Variants in RRAS2 observed in about 807,000 individuals in gnomAD.
RRAS2 encodes the protein ras-related protein R-Ras2.
A neutral mutation model predicts 27.6 loss-of-function variants in RRAS2; 7 were observed. That is an observed-to-expected ratio of 0.25 (90% CI 0.14 to 0.48). RRAS2 has a LOEUF of 0.48. Ranked by LOEUF, RRAS2 falls within the 20% of genes least tolerant of loss-of-function variation. The pLI, the probability that RRAS2 is intolerant of heterozygous loss-of-function variation, is 0.99. For synonymous variants in RRAS2, 86 were observed against 90.9 expected (o/e 0.95, Z 0.31); for missense variants, 178 against 256.2 (o/e 0.69, Z 2.08).
At chr11:14,326,654 A>G (rs1213211813) in intron 1 of RRAS2, among the ~76,000 whole-genome samples, 3 of 152,082 alleles carry the variant, frequency 2.0e-5, no homozygotes, top group Non-Finnish European at 2.9e-5. Flanking sequence ...GTTGTCCTCT[A>G]TTTGGGAGGG....
chr11:14,311,974 C>A (rs1230605792), intron 1 of RRAS2, among the ~76,000 whole-genome samples: 1 of 152,126 alleles, frequency 6.6e-6, no homozygotes. Flanking sequence ...AAGCAATTCT[C>A]CTGCTTCAGC....
Position 14,358,658 on chromosome 11 carries a change from C to CG in RRAS2, c.108+104dup, listed in dbSNP as rs1849135481. ...CCGCCCCCTGGCCCCGGCCCGGGCC[C>CG]GCGAGGCGCCTCTGGGGCGAGGTCG... On this transcript the variant is annotated intron_variant, in intron 1 of 5. Coordinates refer to ENST00000256196, the MANE Select transcript of RRAS2 (RefSeq NM_012250.6). This position sits in a 1 kb window ranked among gnomAD's most constrained non-coding sequence, Gnocchi z 5.1. The CG allele has an allele frequency of 2.0e-6, 2 of 984,476 alleles. No homozygotes were observed. The highest frequency in any genetic ancestry group is 3.5e-5 in the African/African-American group (2 of 57,014). 61.0% of individuals were successfully genotyped at this position (984,476 alleles called of 1,614,324 possible).
intron 1 of RRAS2, among the ~76,000 whole-genome samples, chr11:14,309,373 A>G (rs989693945): frequency 2.6e-5 from 4 of 152,224 alleles, no homozygotes; most frequent in Admixed American, 1.3e-4. Context: ...CTGAACACCT[A>G]TAATGTGCCA....
intron 4 of RRAS2, among the ~76,000 whole-genome samples, chr11:14,285,826 T>C (rs1039929459): frequency 6.6e-6 from 1 of 152,360 alleles, no homozygotes; most frequent in Admixed American, 6.5e-5. Flanking sequence ...TGTTCTTCCA[T>C]ATGTAATGTG....
intron 1 of RRAS2, chr11:14,336,933 A>T (rs1554952625): frequency 1.3e-5 from 2 of 152,202 alleles, no homozygotes. Context: ...ACCAAGACAC[A>T]TCATAATTAA....
intron 1 of RRAS2, among the ~76,000 whole-genome samples, chr11:14,319,515 C>T (rs1479714463): frequency 2.0e-5 from 3 of 151,886 alleles, no homozygotes; most frequent in Non-Finnish European, 4.4e-5. Context: ...CCCGCCACCG[C>T]GCCCGGCTAA....
intron 1 of RRAS2, among the ~76,000 whole-genome samples, chr11:14,352,624 C>A (rs1224255277): frequency 6.7e-6 from 1 of 149,982 alleles, no homozygotes; most frequent in Admixed American, 6.7e-5. Flanking sequence ...AAGGAAGGCA[C>A]GGTGGAATTA....
At chr11:14,309,492 T>G (rs535127584) in intron 1 of RRAS2, among the ~76,000 whole-genome samples, 1 of 152,252 alleles carries the variant, frequency 6.6e-6, no homozygotes, top group South Asian at 2.1e-4. Flanking sequence ...TCAGAGGTGA[T>G]AGGAACTCTG....
chr11:14,315,812 GT>G (rs1848089223), intron 1 of RRAS2, among the ~76,000 whole-genome samples: 1 of 152,092 alleles, frequency 6.6e-6, no homozygotes, highest in Admixed American at 6.5e-5. Flanking sequence ...TCACCCACAT[GT>G]AAAAGCTTAA....
intron 1 of RRAS2, among the ~76,000 whole-genome samples, chr11:14,318,015 C>T (rs1370644474): frequency 6.6e-6 from 1 of 152,146 alleles, no homozygotes; most frequent in Non-Finnish European, 1.5e-5. Context: ...TCAAACGGAG[C>T]AGGAAGAATA....
intron 4 of RRAS2, among the ~76,000 whole-genome samples, chr11:14,290,087 A>C (rs1359575912): frequency 6.6e-6 from 1 of 152,184 alleles, no homozygotes; most frequent in Non-Finnish European, 1.5e-5. Context: ...GTCCAAGTTG[A>C]CTTGGTAGAA....
intron 1 of RRAS2, among the ~76,000 whole-genome samples, chr11:14,334,901 AC>A (rs1292544119): frequency 4.6e-5 from 7 of 151,886 alleles, no homozygotes; most frequent in African/African-American, 1.7e-4. Context: ...ACTACCACCA[AC>A]CTAGCCCCAA....
intron 1 of RRAS2, among the ~76,000 whole-genome samples, 186 bp from the exon 2 acceptor site, chr11:14,296,041 G>A (rs370989835): frequency 2.0e-4 from 31 of 151,790 alleles, no homozygotes; most frequent in East Asian, 9.7e-4. Context: ...AAAATTAGCC[G>A]ACGTGGTGTG....
Position 14,307,255 on chromosome 11 carries a change from G to T in RRAS2, c.109-11400C>A, listed in dbSNP as rs540344971. Among the ~76,000 whole-genome samples, 5 of 150,714 alleles carry T rather than the reference G, an allele frequency of 3.3e-5. No homozygotes were observed. The South Asian group carries it at 1.1e-3, about 32-fold the overall frequency. ...CAACAACAAAAAAAAAGCAGAAAAA[G>T]GAAGAGGGAAAAAAAAACTGCTACC... On this transcript the variant is annotated intron_variant, in intron 1 of 5. Transcript: ENST00000256196.
intron 1 of RRAS2, among the ~76,000 whole-genome samples, chr11:14,337,511 A>C (rs1394318461): frequency 6.6e-6 from 1 of 151,866 alleles, no homozygotes; most frequent in Middle Eastern, 3.4e-3. Flanking sequence ...GCATTATCTC[A>C]TATCATCATA....
At chr11:14,321,658 G>A (rs1554950298) in intron 1 of RRAS2, among the ~76,000 whole-genome samples, 2 of 152,124 alleles carry the variant, frequency 1.3e-5, no homozygotes, top group African/African-American at 4.8e-5. Flanking sequence ...TCCCTGGCTT[G>A]TTGCTGGCTG....
At chr11:14,307,271 A>G (rs1847854486) in intron 1 of RRAS2, among the ~76,000 whole-genome samples, 1 of 152,128 alleles carries the variant, frequency 6.6e-6, no homozygotes. Flanking sequence ...GGGAAAAAAA[A>G]ACTGCTACCA....
intron 1 of RRAS2, among the ~76,000 whole-genome samples, chr11:14,317,886 G>T (rs566646504): frequency 1.1e-3 from 170 of 152,302 alleles, no homozygotes; most frequent in African/African-American, 3.9e-3. Flanking sequence ...AGCTACGATT[G>T]CACCACTGCC....
Position 14,289,136 on chromosome 11 carries a change from T to C in RRAS2, c.408+5335A>G, listed in dbSNP as rs376320480. Among the ~76,000 whole-genome samples, 58 of 152,294 alleles carry C rather than the reference T, an allele frequency of 3.8e-4. 1 individual carries two copies. Among genetic ancestry groups the C allele is most frequent in the African/African-American group, 1.3e-3 (56 of 41,564 alleles). On this transcript the variant is annotated intron_variant, in intron 4 of 5. Transcript: ENST00000256196. Reference sequence around the variant, plus strand: ...TCCTCTACTATTTGAGGAGGGGTTCTTTTTCCTAGGAGGCTGTAGGGGGCA... The same window carrying C: ...TCCTCTACTATTTGAGGAGGGGTTCCTTTTCCTAGGAGGCTGTAGGGGGCA...
Sources: gnomAD v4.1 joint callset for allele counts (sites outside exome capture counted in the v4.1 genomes callset) on GRCh38, gnomAD v4.1.1 for gene constraint, Gnocchi (gnomAD v3.1) non-coding constraint, MANE v1.5 for transcripts, NCBI Gene and HGNC (gene_info 2026-07-23, HGNC 2026-07-21) for gene names.